The following NELL1 variants were observed in gnomAD, a reference collection of about 807,000 sequenced individuals.
The protein encoded by NELL1 is neural EGFL like 1.
Under a neutral mutation model 107.4 loss-of-function variants are expected in NELL1, and 76 were observed. That is an observed-to-expected ratio of 0.71 (90% CI 0.59 to 0.86). The LOEUF (loss-of-function observed/expected upper bound fraction) is 0.86. NELL1 is among the 40% of genes least tolerant of loss of function. The pLI, the probability that NELL1 is intolerant of heterozygous loss-of-function variation, is 0.00. For missense variants in NELL1, 1,024 were observed against 1,005.5 expected (o/e 1.02, Z -0.25); for synonymous variants, 353 against 341.2 (o/e 1.03, Z -0.38).
At chr11:21,102,201 A>G (rs1247545009) in intron 12 of NELL1, among the ~76,000 whole-genome samples, 3 of 152,158 alleles carry the variant, frequency 2.0e-5, no homozygotes, top group Non-Finnish European at 4.4e-5. Flanking sequence ...TTGCTTCCCT[A>G]AGGAGTCTTT....
chr11:21,329,728 T>C (rs887338810), intron 14 of NELL1, among the ~76,000 whole-genome samples: 1 of 152,148 alleles, frequency 6.6e-6, no homozygotes, highest in Non-Finnish European at 1.5e-5. Context: ...GATCCTTTTT[T>C]ACTAGATGTC....
chr11:21,102,481 TAG>T, intron 12 of NELL1, among the ~76,000 whole-genome samples: 1 of 152,336 alleles, frequency 6.6e-6, no homozygotes, highest in East Asian at 1.9e-4. Context: ...TGTATGACCT[TAG>T]ACTAGTTGCT....
At chr11:20,952,270 C>T (rs577242019) in intron 11 of NELL1, among the ~76,000 whole-genome samples, 10 of 152,060 alleles carry the variant, frequency 6.6e-5, no homozygotes, top group East Asian at 3.9e-4. Context: ...AAGTTCTTTC[C>T]GACATCTGTT....
Position 21,040,266 on chromosome 11 carries a change from T to G in NELL1, c.1301-73323T>G, listed in dbSNP as rs534341566. Among the ~76,000 whole-genome samples, 11 of 152,226 alleles carry G rather than the reference T, an allele frequency of 7.2e-5. No individual in the cohort carries two copies. In the South Asian group the frequency reaches 2.1e-3, roughly 29 times the overall value. On this transcript the variant is annotated intron_variant, in intron 12 of 19. Coordinates refer to ENST00000357134, the MANE Select transcript of NELL1 (RefSeq NM_006157.5). ...TCAATTGAATGGTTGAACAATATCCTATCACAAAGAGAATAAAATATATAA... is the reference window on the plus strand; with the variant it reads ...TCAATTGAATGGTTGAACAATATCCGATCACAAAGAGAATAAAATATATAA...
chr11:21,180,624 C>T (rs1856807276), intron 13 of NELL1, among the ~76,000 whole-genome samples: 1 of 151,658 alleles, frequency 6.6e-6, no homozygotes, highest in Non-Finnish European at 1.5e-5. Flanking sequence ...TTTTGTTCTT[C>T]CTTTAGCTGA....
intron 12 of NELL1, among the ~76,000 whole-genome samples, chr11:20,975,930 T>C (rs1360949472): frequency 1.4e-5 from 2 of 140,482 alleles, no homozygotes; most frequent in African/African-American, 2.6e-5. Context: ...CACATATATG[T>C]ACATATATGT....
intron 14 of NELL1, among the ~76,000 whole-genome samples, chr11:21,266,009 C>G (rs1021171581): frequency 6.6e-6 from 1 of 151,968 alleles, no homozygotes; most frequent in East Asian, 1.9e-4. Context: ...AGTTTTGCCT[C>G]TGTGTCAAAA....
chr11:20,727,159 G>C (rs1855526400), intron 2 of NELL1, among the ~76,000 whole-genome samples: 2 of 152,212 alleles, frequency 1.3e-5, no homozygotes, highest in Admixed American at 1.3e-4. Flanking sequence ...CTAGATCCTA[G>C]AGGAATCTCC....
At chr11:21,371,582 A>G (rs1207573694) in intron 15 of NELL1, among the ~76,000 whole-genome samples, 1 of 152,126 alleles carries the variant, frequency 6.6e-6, no homozygotes, top group South Asian at 2.1e-4. Flanking sequence ...CTATTTGTGT[A>G]TAAGTGAAAT....
chr11:21,145,102 C>CTA (rs1191327251), intron 13 of NELL1, among the ~76,000 whole-genome samples: 2 of 152,118 alleles, frequency 1.3e-5, no homozygotes, highest in Non-Finnish European at 2.9e-5. Context: ...ATAGTCAGTG[C>CTA]TATATAGCTA....
At chr11:21,244,319 A>C (rs979465740) in intron 14 of NELL1, among the ~76,000 whole-genome samples, 22 of 152,132 alleles carry the variant, frequency 1.4e-4, no homozygotes, top group African/African-American at 5.1e-4. Flanking sequence ...TATTAACTTT[A>C]AATAGTGACA....
intron 3 of NELL1, among the ~76,000 whole-genome samples, chr11:20,841,319 G>GTTTTTTTTTTTTTTTTTTTTTTTTT (rs397772940): frequency 8.1e-6 from 1 of 123,532 alleles, no homozygotes. Context: ...CTCTGCTCAT[G>GTTTTTTTTTTTTTTTTTTTTTTTTT]TTTTTTTTTT....
chr11:20,904,757 CT>C (rs1363378211), intron 5 of NELL1, among the ~76,000 whole-genome samples: 3 of 152,006 alleles, frequency 2.0e-5, no homozygotes, highest in African/African-American at 7.2e-5. Context: ...GTCTCTCTCT[CT>C]TTCTTGTTTT....
At chr11:20,670,741 G>GCTC (rs914270738) in intron 1 of NELL1, 22 of 152,432 alleles carry the variant, frequency 1.4e-4, no homozygotes, top group Admixed American at 9.8e-4. Flanking sequence ...GTCAACTGGG[G>GCTC]GGAGTGTCGG....
chr11:21,419,114 G>A (rs1852594085), intron 15 of NELL1, among the ~76,000 whole-genome samples: 2 of 152,088 alleles, frequency 1.3e-5, no homozygotes, highest in African/African-American at 2.4e-5. Flanking sequence ...TGGGGGCTGT[G>A]TTCCTTTGGT....
chr11:20,706,972 G>T (rs948597560), intron 2 of NELL1, among the ~76,000 whole-genome samples: 1 of 152,140 alleles, frequency 6.6e-6, no homozygotes, highest in African/African-American at 2.4e-5. Flanking sequence ...TTCCAACTTG[G>T]TTCCACTCTC....
chr11:20,798,937 A>G (rs1857227466), intron 3 of NELL1, among the ~76,000 whole-genome samples: 1 of 99,902 alleles, frequency 1.0e-5, no homozygotes, highest in Admixed American at 1.2e-4. Flanking sequence ...GCCTGTCCTC[A>G]GGGAGCTTTT....
chr11:21,476,639 G>A (rs75831324), intron 15 of NELL1, among the ~76,000 whole-genome samples: 1 of 152,268 alleles, frequency 6.6e-6, no homozygotes, highest in East Asian at 1.9e-4. Context: ...ATCACTGTGA[G>A]TGATCACAGT....
intron 12 of NELL1, among the ~76,000 whole-genome samples, chr11:21,097,407 C>G (rs571381310): frequency 3.3e-5 from 5 of 152,150 alleles, no homozygotes; most frequent in Admixed American, 2.6e-4. Context: ...ACAAAGGACA[C>G]CAGGGGGTTT....
Sources: allele counts gnomAD v4.1 joint callset (sites outside exome capture counted in the v4.1 genomes callset), GRCh38; gene constraint gnomAD v4.1.1; transcripts MANE v1.5; gene names NCBI Gene and HGNC (gene_info 2026-07-23, HGNC 2026-07-21).